The following PTGIS variants were observed in gnomAD, a reference collection of about 807,000 sequenced individuals.
PTGIS encodes the protein prostaglandin I2 synthase.
Under a neutral mutation model 50.3 loss-of-function variants are expected in PTGIS, and 45 were observed. The ratio of observed to expected loss-of-function variants is 0.90; its 90% CI spans 0.70 to 1.15. The LOEUF (loss-of-function observed/expected upper bound fraction) is 1.15, where lower values mean the gene tolerates loss of function less well. Among genes scored for constraint, PTGIS ranks in the 50% most tolerant of loss-of-function variants. The probability of loss-of-function intolerance (pLI) is 0.00; values close to 1 mark genes in which losing one functional copy is unlikely to be tolerated. For synonymous variants in PTGIS, 260 were observed against 267.7 expected, an observed-to-expected ratio of 0.97 and a Z score of 0.28; for missense variants, 668 against 661.3, an observed-to-expected ratio of 1.01 and a Z score of -0.11.
chr20:49,567,919 C>T lies in PTGIS; in HGVS notation c.74+124G>A, dbSNP rs1032445929. On this transcript the variant is annotated intron_variant, in intron 1 of 9. Transcript: ENST00000244043. The stretch of plus-strand genomic sequence containing the variant: ...GGACTCCCACCTCCGAGGGTCTCGC[C>T]TTGCCCGGGATACTGGAGCGGGACT... The T allele has an allele frequency of 4.9e-5, 46 of 936,596 alleles. No individual in the cohort carries two copies. In the African/African-American group the frequency reaches 7.6e-4, roughly 16 times the overall value. The allele number at this position is 936,596 out of a possible 1,614,324, so 58.0% of individuals were successfully genotyped here.
chr20:49,542,034 G>A (rs550859344), intron 4 of PTGIS, among the ~76,000 whole-genome samples: 50 of 152,306 alleles, frequency 3.3e-4, no homozygotes, highest in Non-Finnish European at 5.4e-4. Context: ...AGTGGGGTGG[G>A]AGCCACGCAG....
chr20:49,516,061 G>A (rs2122844268), intron 6 of PTGIS, among the ~76,000 whole-genome samples: 1 of 139,320 alleles, frequency 7.2e-6, no homozygotes, highest in South Asian at 2.3e-4. Flanking sequence ...TTTTTTTTTG[G>A]TAGAGATGGA....
chr20:49,534,074 T>C (rs569115314), intron 5 of PTGIS, among the ~76,000 whole-genome samples: 7 of 152,324 alleles, frequency 4.6e-5, no homozygotes, highest in African/African-American at 1.7e-4. Flanking sequence ...TCACTACCAG[T>C]ATGTCCCACT....
intron 5 of PTGIS, among the ~76,000 whole-genome samples, chr20:49,530,133 G>A (rs1437883883): frequency 7.6e-6 from 1 of 132,446 alleles, no homozygotes; most frequent in Admixed American, 8.2e-5. Flanking sequence ...CAGCCTGGGA[G>A]ACAAAAACGA....
chr20:49,536,252 T>G (rs1568677639), intron 5 of PTGIS, among the ~76,000 whole-genome samples: 1 of 152,192 alleles, frequency 6.6e-6, no homozygotes, highest in Non-Finnish European at 1.5e-5. Flanking sequence ...TTATACAACC[T>G]GTAACTCTGA....
At chr20:49,523,472 A>C (rs1476352718) in intron 6 of PTGIS, among the ~76,000 whole-genome samples, 1 of 151,508 alleles carries the variant, frequency 6.6e-6, no homozygotes, top group Non-Finnish European at 1.5e-5. Context: ...ACATTTTTCC[A>C]AATTAAAAAA....
At chr20:49,513,334 A>G in intron 7 of PTGIS, 73 bp from the exon 8 acceptor site, 2 of 1,517,772 alleles carry the variant, frequency 1.3e-6, no homozygotes, top group Non-Finnish European at 1.8e-6. Flanking sequence ...CCCAGCTCTT[A>G]TTTTACAGAG....
intron 6 of PTGIS, among the ~76,000 whole-genome samples, chr20:49,517,952 G>A (rs990411304): frequency 7.9e-5 from 12 of 152,240 alleles, no homozygotes; most frequent in Non-Finnish European, 1.6e-4. Context: ...TCCACGCAGA[G>A]TGGGGCATAT....
At chr20:49,550,292 T>C (rs1982474008) in intron 1 of PTGIS, 103 bp from the exon 2 acceptor site, 1 of 1,476,914 alleles carries the variant, frequency 6.8e-7, no homozygotes, top group African/African-American at 1.4e-5. Context: ...GGGGAGGTAA[T>C]CTGAATGGAG....
At chr20:49,550,822 C>T (rs775746763) in intron 1 of PTGIS, among the ~76,000 whole-genome samples, 4 of 152,152 alleles carry the variant, frequency 2.6e-5, no homozygotes, top group East Asian at 1.9e-4. Context: ...GCTTCCATGA[C>T]GATGGAGAGC....
At chr20:49,541,233 G>C (rs1287298689) in intron 4 of PTGIS, among the ~76,000 whole-genome samples, 3 of 152,110 alleles carry the variant, frequency 2.0e-5, no homozygotes, top group Non-Finnish European at 4.4e-5. Context: ...AAACCTAGCA[G>C]GAGCAGAGTT....
chr20:49,546,002 G>A (rs73124179), intron 3 of PTGIS, among the ~76,000 whole-genome samples: 10,691 of 152,244 alleles, frequency 0.07, 519 homozygotes, highest in South Asian at 0.23. Flanking sequence ...AACATAGTGG[G>A]AAAAACGACA....
At chr20:49,529,128 G>A (rs1373265338) in intron 5 of PTGIS, among the ~76,000 whole-genome samples, 1 of 152,150 alleles carries the variant, frequency 6.6e-6, no homozygotes, top group East Asian at 1.9e-4. Flanking sequence ...ACTCACACGT[G>A]CATGCATGGT....
chr20:49,558,656 G>A (rs1274344889), intron 1 of PTGIS, among the ~76,000 whole-genome samples: 1 of 152,034 alleles, frequency 6.6e-6, no homozygotes, highest in Non-Finnish European at 1.5e-5. Context: ...TTGAATAGGA[G>A]CTGGGTAAAA....
intron 7 of PTGIS, 50 bp downstream of exon 7, chr20:49,514,177 C>A: frequency 6.2e-7 from 1 of 1,604,888 alleles, no homozygotes; most frequent in South Asian, 1.1e-5. Flanking sequence ...CTTTGGGGGT[C>A]CATGATGACG....
At chr20:49,537,459 A>G (rs992841656) in intron 5 of PTGIS, among the ~76,000 whole-genome samples, 12 of 152,244 alleles carry the variant, frequency 7.9e-5, no homozygotes, top group South Asian at 2.1e-4. Flanking sequence ...TCTAAGTTAT[A>G]GAAGTACAGG....
intron 1 of PTGIS, among the ~76,000 whole-genome samples, chr20:49,562,931 C>T (rs566484039): frequency 1.3e-5 from 2 of 152,214 alleles, no homozygotes; most frequent in Non-Finnish European, 2.9e-5. Flanking sequence ...GCACTCAGAA[C>T]AGTGGCTGGT....
At chr20:49,532,920 C>A (rs548052673) in intron 5 of PTGIS, among the ~76,000 whole-genome samples, 2 of 152,334 alleles carry the variant, frequency 1.3e-5, no homozygotes, top group East Asian at 3.9e-4. Context: ...TAAAATGCTA[C>A]TTGCTACATT....
chr20:49,554,831 T>C (rs889887560), intron 1 of PTGIS, among the ~76,000 whole-genome samples: 1 of 152,116 alleles, frequency 6.6e-6, no homozygotes, highest in South Asian at 2.1e-4. Flanking sequence ...GTTTAGAAAA[T>C]GGTTTATGGA....
Sources: gnomAD v4.1 joint callset for allele counts (sites outside exome capture counted in the v4.1 genomes callset) on GRCh38, gnomAD v4.1.1 for gene constraint, MANE v1.5 for transcripts, NCBI Gene and HGNC (gene_info 2026-07-23, HGNC 2026-07-21) for gene names.